The following GRM1 variants were observed in gnomAD, a reference collection of about 807,000 sequenced individuals.
GRM1 encodes the protein metabotropic glutamate receptor 1.
In GRM1, 33 loss-of-function variants were observed where a neutral mutation model predicts 90.9. That is an observed-to-expected ratio of 0.36 (90% CI 0.28 to 0.49). GRM1 has a LOEUF of 0.49. Among genes scored for constraint, GRM1 ranks in the 20% least tolerant of loss-of-function variants. The pLI is 0.99. For synonymous variants in GRM1, 700 were observed against 613.2 expected (o/e 1.14, Z -2.09); for missense variants, 1,190 against 1,534.3 (o/e 0.78, Z 3.75).
intron 7 of GRM1, among the ~76,000 whole-genome samples, chr6:146,428,710 G>A (rs1006958478): frequency 2.0e-5 from 3 of 152,116 alleles, no homozygotes; most frequent in Non-Finnish European, 4.4e-5. Flanking sequence ...CTAAAGCAAC[G>A]CCATGGTACC....
chr6:146,263,276 T>A (rs1781763830), intron 2 of GRM1, among the ~76,000 whole-genome samples: 1 of 151,930 alleles, frequency 6.6e-6, no homozygotes, highest in African/African-American at 2.4e-5. Flanking sequence ...TTAAAAACAA[T>A]TTTTCATGAT....
chr6:146,241,996 A>G (rs1336565461), intron 2 of GRM1, among the ~76,000 whole-genome samples: 1 of 152,132 alleles, frequency 6.6e-6, no homozygotes, highest in Non-Finnish European at 1.5e-5. Context: ...AGCAATATCA[A>G]AAGGACACAA....
chr6:146,353,239 G>A (rs1785468413), intron 4 of GRM1, among the ~76,000 whole-genome samples: 1 of 152,130 alleles, frequency 6.6e-6, no homozygotes, highest in Admixed American at 6.5e-5. Context: ...TTCATAAACA[G>A]TTTCTTAGGA....
At chr6:146,193,163 C>A (rs1421886089) in intron 2 of GRM1, among the ~76,000 whole-genome samples, 1 of 152,002 alleles carries the variant, frequency 6.6e-6, no homozygotes, top group Non-Finnish European at 1.5e-5. Flanking sequence ...TTTAAGATGC[C>A]TATTATTATG....
At chr6:146,300,823 A>C (rs1005613629) in intron 2 of GRM1, among the ~76,000 whole-genome samples, 1 of 152,172 alleles carries the variant, frequency 6.6e-6, no homozygotes, top group Non-Finnish European at 1.5e-5. Flanking sequence ...ACACCCTGCC[A>C]CCACCATCTA....
chr6:146,259,394 T>C (rs1781599680), intron 2 of GRM1, among the ~76,000 whole-genome samples: 3 of 152,180 alleles, frequency 2.0e-5, no homozygotes, highest in Non-Finnish European at 2.9e-5. Context: ...CCCAATGTTG[T>C]ACATTGGATG....
chr6:146,302,195 G>A (rs1783411521), intron 2 of GRM1, among the ~76,000 whole-genome samples: 1 of 151,262 alleles, frequency 6.6e-6, no homozygotes, highest in African/African-American at 2.4e-5. Context: ...GACTAAGCCT[G>A]ACTCCTCTTT....
At chr6:146,423,640 A>AGAGCTTCCT (rs1157283369) in intron 7 of GRM1, among the ~76,000 whole-genome samples, 1 of 152,170 alleles carries the variant, frequency 6.6e-6, no homozygotes, top group African/African-American at 2.4e-5. Flanking sequence ...CAGAGGCCAC[A>AGAGCTTCCT]GAGCTTCCTG....
intron 2 of GRM1, among the ~76,000 whole-genome samples, chr6:146,276,307 G>A (rs897327276): frequency 2.0e-5 from 3 of 152,100 alleles, no homozygotes; most frequent in Non-Finnish European, 4.4e-5. Flanking sequence ...AGAGTCTTGA[G>A]TAATACCATC....
At chr6:146,194,151 A>C (rs1211945467) in intron 2 of GRM1, among the ~76,000 whole-genome samples, 1 of 152,152 alleles carries the variant, frequency 6.6e-6, no homozygotes, top group Admixed American at 6.5e-5. Flanking sequence ...CAACATTTTC[A>C]TATTGATATT....
intron 3 of GRM1, among the ~76,000 whole-genome samples, chr6:146,315,873 C>T (rs1783947540): frequency 1.3e-5 from 2 of 152,078 alleles, no homozygotes; most frequent in South Asian, 4.1e-4. Flanking sequence ...TATTGGTAGG[C>T]TTGTTTTGCA....
intron 2 of GRM1, among the ~76,000 whole-genome samples, chr6:146,281,525 A>G (rs754467880): frequency 5.3e-5 from 8 of 152,230 alleles, no homozygotes; most frequent in African/African-American, 1.4e-4. Flanking sequence ...AAATGTGATA[A>G]TAAGTATTAA....
chr6:146,045,395 T>C (rs1041741179), intron 1 of GRM1, among the ~76,000 whole-genome samples: 1 of 152,014 alleles, frequency 6.6e-6, no homozygotes, highest in African/African-American at 2.4e-5. Flanking sequence ...GAATATAAAC[T>C]GCTGGAAAGT....
intron 1 of GRM1, among the ~76,000 whole-genome samples, chr6:146,039,220 G>A (rs2128839942): frequency 6.6e-6 from 1 of 152,100 alleles, no homozygotes; most frequent in South Asian, 2.1e-4. Flanking sequence ...AGAGAACTGT[G>A]ATTAGCTCCC....
chr6:146,251,029 A>G (rs2114762763), intron 2 of GRM1, among the ~76,000 whole-genome samples: 1 of 152,316 alleles, frequency 6.6e-6, no homozygotes, highest in East Asian at 1.9e-4. Flanking sequence ...TCCTTTGATT[A>G]ATGAAGTTCT....
intron 2 of GRM1, among the ~76,000 whole-genome samples, chr6:146,271,187 G>T (rs903543062): frequency 1.3e-5 from 2 of 151,810 alleles, no homozygotes; most frequent in Non-Finnish European, 2.9e-5. Context: ...TGTATTTTTA[G>T]TAGAGATGAG....
chr6:146,122,418 T>TTA lies in GRM1; in HGVS notation c.701-36928_701-36927dup, dbSNP rs1462553166. 7.2e-5 allele frequency among the ~76,000 whole-genome samples: 11 copies of TTA among 152,312 alleles called. No individual in the cohort carries two copies. The South Asian group carries it at 2.1e-3, about 29-fold the overall frequency. ...CCACTGCAACATTCCTATAAAAATT[T>TTA]TATGAAGTGCTCACTCTCTGAAGAT... On this transcript the variant is annotated intron_variant, in intron 1 of 7. Coordinates refer to ENST00000282753, the MANE Select transcript of GRM1 (RefSeq NM_001278064.2).
rs991738920 is a variant in GRM1 at position 146,033,166 on chromosome 6, G to A, written c.700+2949G>A. 2.6e-5 allele frequency among the ~76,000 whole-genome samples: 4 copies of A among 152,204 alleles called. No homozygotes were observed. The South Asian group carries it at 8.3e-4, about 32-fold the overall frequency. On this transcript the variant is annotated intron_variant, in intron 1 of 7. Transcript: ENST00000282753. ...TAGCTCTGGAGGCAAATGTTAAGAT[G>A]AGCCTGTCAAGGGGGAGGCAGGATA...
chr6:146,135,633 G>A (rs1776590397), intron 1 of GRM1, among the ~76,000 whole-genome samples: 1 of 152,118 alleles, frequency 6.6e-6, no homozygotes, highest in South Asian at 2.1e-4. Flanking sequence ...AGGTTTCCAA[G>A]GGCTTTTATT....
Sources: gnomAD v4.1 joint callset for allele counts (sites outside exome capture counted in the v4.1 genomes callset) on GRCh38, gnomAD v4.1.1 for gene constraint, MANE v1.5 for transcripts, NCBI Gene and HGNC (gene_info 2026-07-23, HGNC 2026-07-21) for gene names.